TLE2: variants seen among roughly 807,000 people sequenced by gnomAD.
TLE2 encodes the protein TLE family member 2, transcriptional corepressor.
In TLE2, 74 loss-of-function variants were observed where a neutral mutation model predicts 97.2. The ratio of observed to expected loss-of-function variants is 0.76; its 90% CI spans 0.63 to 0.92. TLE2 has a LOEUF of 0.92. Ranked by LOEUF, TLE2 falls within the 40% of genes least tolerant of loss-of-function variation. TLE2 has a pLI of 0.00. For synonymous variants in TLE2, 499 were observed against 432.1 expected (o/e 1.15, Z -1.92); for missense variants, 1,038 against 1,008.7 (o/e 1.03, Z -0.39).
chr19:3,011,000 C>A, intron 12 of TLE2, 22 bp downstream of exon 12: 1 of 1,594,512 alleles, frequency 6.3e-7, no homozygotes, highest in Non-Finnish European at 8.5e-7. Flanking sequence ...TCCAGACAGG[C>A]ACCAACAGGC....
intron 5 of TLE2, among the ~76,000 whole-genome samples, chr19:3,023,908 A>AC (rs779891713): frequency 5.7e-5 from 6 of 106,100 alleles, no homozygotes; most frequent in Admixed American, 3.1e-4. Context: ...ACACACACAC[A>AC]AAAGAAAAGA....
At chr19:3,003,258 CAGCCAGGCAAGG>C (rs2089405667) in intron 17 of TLE2, among the ~76,000 whole-genome samples, 1 of 152,180 alleles carries the variant, frequency 6.6e-6, no homozygotes, top group Non-Finnish European at 1.5e-5. Context: ...GAGAAGGGAA[CAGCCAGGCAAGG>C]ACAATCACTC....
chr19:3,008,436 G>C (rs1419598504), intron 14 of TLE2, among the ~76,000 whole-genome samples: 6 of 151,182 alleles, frequency 4.0e-5, no homozygotes, highest in African/African-American at 1.2e-4. Flanking sequence ...GCTTATGCAA[G>C]AGACTTTTTT....
upstream of TLE2, among the ~76,000 whole-genome samples, chr19:3,046,904 C>A (rs2090145268): frequency 7.0e-6 from 1 of 143,512 alleles, no homozygotes; most frequent in African/African-American, 2.6e-5. Flanking sequence ...GTGCCTCCCC[C>A]TCCTCCCTCT....
At chr19:3,004,738 A>G (rs993847292) in intron 17 of TLE2, among the ~76,000 whole-genome samples, 9 of 152,038 alleles carry the variant, frequency 5.9e-5, no homozygotes, top group Admixed American at 2.0e-4. Context: ...TACAGAAAGA[A>G]GAGAAAGGCA....
intron 1 of TLE2, among the ~76,000 whole-genome samples, chr19:3,039,888 C>T (rs565046930): frequency 6.6e-6 from 1 of 152,312 alleles, no homozygotes; most frequent in East Asian, 1.9e-4. Flanking sequence ...TCAAACCCCA[C>T]CTCCGCCACT....
In TLE2 at chr19:3,008,069, G is replaced by A. The variant is rs114826332; in HGVS notation, c.1250+800C>T. Among the ~76,000 whole-genome samples, 1,152 of 151,528 alleles carry A rather than the reference G, an allele frequency of 7.6e-3. 12 individuals are homozygous for A. The highest frequency in any genetic ancestry group is 0.024 in the Middle Eastern group (7 of 292). ...CGTACTCCAGCCTGGGGGACAGAGC[G>A]AAACTCAGTCTCAGAAAACAAAACA... On this transcript the variant is annotated intron_variant, in intron 14 of 19. Coordinates refer to ENST00000262953, the MANE Select transcript of TLE2 (RefSeq NM_003260.5).
At chr19:3,013,883 T>C (rs2089647936) in intron 10 of TLE2, 65 bp from the exon 11 acceptor site, 1 of 1,350,464 alleles carries the variant, frequency 7.4e-7, no homozygotes, top group Non-Finnish European at 9.6e-7. Flanking sequence ...CCCTTCTCTA[T>C]CCTCCTCCCG....
chr19:3,039,570 C>G (rs2090085455), intron 1 of TLE2, among the ~76,000 whole-genome samples: 1 of 152,182 alleles, frequency 6.6e-6, no homozygotes, highest in African/African-American at 2.4e-5. Flanking sequence ...CTCCTACCTG[C>G]TCAGCTTCCC....
At chr19:3,002,950 C>T (rs902847379) in intron 17 of TLE2, among the ~76,000 whole-genome samples, 98 of 152,222 alleles carry the variant, frequency 6.4e-4, no homozygotes, top group African/African-American at 2.0e-3. Flanking sequence ...CTGCCCGCCT[C>T]GGCCTCCCAA....
At position 3,015,722 on chromosome 19, in the gene TLE2, C is replaced by T. The variant is rs1413906731; in HGVS notation, c.609G>A (p.Glu203=). 6.2e-7 allele frequency: 1 copy of T among 1,611,378 alleles called. No individual in the cohort carries two copies. ...CACCACCAGGGCCACTCGGTCGCTCCTCCTCCACGAGACTCTCAGGGGGCG... is the reference window on the plus strand; with the variant it reads ...CACCACCAGGGCCACTCGGTCGCTCTTCCTCCACGAGACTCTCAGGGGGCG... ...SPSPPESLVE[E]ERPSGPGGGG... Residue 203 remains glutamate (E), a synonymous_variant, in exon 9 of 20, where the codon GAG becomes GAA. Coordinates refer to ENST00000262953, the MANE Select transcript of TLE2 (RefSeq NM_003260.5).
At chr19:3,033,115 T>C (rs1433514689), upstream of TLE2, among the ~76,000 whole-genome samples, 1 of 151,230 alleles carries the variant, frequency 6.6e-6, no homozygotes, top group African/African-American at 2.4e-5. Flanking sequence ...CAGGTTCAAG[T>C]GATTCTCCTG....
chr19:3,006,107 G>A (rs773032281), intron 15 of TLE2, 139 bp from the exon 16 acceptor site: 6 of 1,112,650 alleles, frequency 5.4e-6, no homozygotes, highest in Middle Eastern at 2.0e-4. Flanking sequence ...ATTGGCTGGT[G>A]AGCCCCGCCC....
At chr19:3,017,567 C>T (rs1055413344) in intron 8 of TLE2, among the ~76,000 whole-genome samples, 1 of 151,388 alleles carries the variant, frequency 6.6e-6, no homozygotes, top group African/African-American at 2.4e-5. Flanking sequence ...CCTCCCACCT[C>T]AGGCTCCCGA....
intron 11 of TLE2, among the ~76,000 whole-genome samples, chr19:3,012,865 C>A (rs2089625519): frequency 6.6e-6 from 1 of 152,224 alleles, no homozygotes; most frequent in African/African-American, 2.4e-5. Context: ...CCACGCAACA[C>A]CGGCACCCGC....
At chr19:3,028,475 T>C (rs1208558571) in intron 2 of TLE2, 93 bp from the exon 3 acceptor site, 7 of 1,313,168 alleles carry the variant, frequency 5.3e-6, no homozygotes, top group Non-Finnish European at 2.1e-6. Flanking sequence ...CCGACTTCCT[T>C]ACAGACCTCC....
At chr19:3,032,528 G>A (rs1293088326), upstream of TLE2, among the ~76,000 whole-genome samples, 7 of 152,084 alleles carry the variant, frequency 4.6e-5, no homozygotes, top group Non-Finnish European at 7.4e-5. This position sits in a 1 kb window ranked among gnomAD's most constrained non-coding sequence, Gnocchi z 4.1. Context: ...TTGAGCCACC[G>A]TGCCCAGCCC....
chr19:2,999,539 A>G (rs1260625365), intron 19 of TLE2, among the ~76,000 whole-genome samples: 1 of 151,848 alleles, frequency 6.6e-6, no homozygotes, highest in Non-Finnish European at 1.5e-5. Context: ...CATCCTGGCT[A>G]ACACGGTGAA....
intron 19 of TLE2, among the ~76,000 whole-genome samples, chr19:2,999,723 T>G (rs2089309331): frequency 1.6e-5 from 1 of 62,480 alleles, no homozygotes; most frequent in Non-Finnish European, 3.0e-5. Context: ...TGAGACTCCA[T>G]CTCAAAAAAA....
Sources: gnomAD v4.1 joint callset for allele counts (sites outside exome capture counted in the v4.1 genomes callset) on GRCh38, gnomAD v4.1.1 for gene constraint, Gnocchi (gnomAD v3.1) non-coding constraint, MANE v1.5 for transcripts, NCBI Gene and HGNC (gene_info 2026-07-23, HGNC 2026-07-21) for gene names.